GPR149: variants seen among roughly 807,000 people sequenced by gnomAD.
The protein encoded by GPR149 is probable G protein-coupled receptor 149.
GPR149 carries 50 observed loss-of-function variants against 50.2 expected under a neutral mutation model. The ratio of observed to expected loss-of-function variants is 1.00; its 90% CI spans 0.79 to 1.26. The LOEUF (loss-of-function observed/expected upper bound fraction) is 1.26, where lower values mean the gene tolerates loss of function less well. Ranked by LOEUF, GPR149 falls within the 50% of genes most tolerant of loss-of-function variation. The probability of loss-of-function intolerance (pLI) is 0.00; values close to 1 mark genes in which losing one functional copy is unlikely to be tolerated. For missense variants in GPR149, 983 were observed against 895.4 expected (o/e 1.10, Z -1.25); for synonymous variants, 405 against 358.2 (o/e 1.13, Z -1.48).
At chr3:154,413,453 T>A (rs1243095117) in intron 3 of GPR149, among the ~76,000 whole-genome samples, 5 of 151,538 alleles carry the variant, frequency 3.3e-5, no homozygotes, top group African/African-American at 1.2e-4. Flanking sequence ...AAATAGGTCA[T>A]CAAGGAAAAA....
chr3:154,391,138 G>A (rs1314274707), intron 3 of GPR149, among the ~76,000 whole-genome samples: 7 of 151,982 alleles, frequency 4.6e-5, no homozygotes, highest in Non-Finnish European at 1.0e-4. Flanking sequence ...AAACTTGCTG[G>A]TAAGGGTAAA....
chr3:154,407,324 C>A (rs1261846193), intron 3 of GPR149, among the ~76,000 whole-genome samples: 1 of 152,024 alleles, frequency 6.6e-6, no homozygotes, highest in Non-Finnish European at 1.5e-5. Flanking sequence ...ACCTAAGTAA[C>A]TTTGGAAGAT....
intron 3 of GPR149, among the ~76,000 whole-genome samples, chr3:154,400,081 G>A (rs911427032): frequency 2.0e-5 from 3 of 152,070 alleles, no homozygotes; most frequent in Non-Finnish European, 2.9e-5. Flanking sequence ...CCGCCTCCCG[G>A]GTTCACGCCA....
chr3:154,390,477 C>T (rs1305515288), intron 3 of GPR149, among the ~76,000 whole-genome samples: 1 of 150,790 alleles, frequency 6.6e-6, no homozygotes, highest in East Asian at 2.0e-4. Context: ...AAACAGAAGA[C>T]AGGATTAGTG....
chr3:154,368,169 C>G (rs1243354640), intron 3 of GPR149, among the ~76,000 whole-genome samples: 1 of 152,182 alleles, frequency 6.6e-6, no homozygotes, highest in Non-Finnish European at 1.5e-5. Context: ...CCAGAGGCTC[C>G]CCCTGCAAGG....
intron 3 of GPR149, among the ~76,000 whole-genome samples, chr3:154,419,441 A>G (rs992844627): frequency 6.6e-6 from 1 of 152,060 alleles, no homozygotes; most frequent in African/African-American, 2.4e-5. Flanking sequence ...TTTTGATGAA[A>G]TAAATAAGAA....
chr3:154,428,864 A>AGGG lies in GPR149; in HGVS notation c.749_751dup (p.Ser250_Leu251insPro). 1 of 1,613,932 alleles carries AGGG rather than the reference A, an allele frequency of 6.2e-7. No homozygotes were observed. The highest frequency in any genetic ancestry group is 1.1e-5 in the South Asian group (1 of 91,072). ...CGGGCCTGGAGCATCCTCTGGGGACAGGGAAACCACTCTCCCCGCAGTAGG... is the reference window on the plus strand; with the variant it reads ...CGGGCCTGGAGCATCCTCTGGGGACAGGGGGGAAACCACTCTCCCCGCAGTAGG... On this transcript the variant is annotated inframe_insertion, in exon 1 of 4. Transcript: ENST00000389740.
At chr3:154,406,128 T>A (rs1315074306) in intron 3 of GPR149, among the ~76,000 whole-genome samples, 1 of 151,898 alleles carries the variant, frequency 6.6e-6, no homozygotes. Context: ...CAATTTATAA[T>A]AGAGAAAAAG....
chr3:154,351,821 A>C (rs1714088266), intron 3 of GPR149, among the ~76,000 whole-genome samples: 1 of 152,196 alleles, frequency 6.6e-6, no homozygotes. Context: ...GAATAATAGA[A>C]ACCCCTCAAA....
chr3:154,405,233 C>CAA (rs1234482179), intron 3 of GPR149, among the ~76,000 whole-genome samples: 1 of 152,030 alleles, frequency 6.6e-6, no homozygotes, highest in African/African-American at 2.4e-5. Context: ...TTAATACACA[C>CAA]AAACAATAGC....
chr3:154,363,254 G>A (rs577860312), intron 3 of GPR149, among the ~76,000 whole-genome samples: 34 of 152,076 alleles, frequency 2.2e-4, no homozygotes, highest in East Asian at 5.8e-4. Context: ...AATTTATTCC[G>A]GGCTGTGATG....
chr3:154,364,999 G>A (rs1232692380), intron 3 of GPR149, among the ~76,000 whole-genome samples: 1 of 152,100 alleles, frequency 6.6e-6, no homozygotes, highest in African/African-American at 2.4e-5. Flanking sequence ...CCCACCCCAT[G>A]ACTCTGCTAG....
chr3:154,427,614 G>A lies in GPR149; in HGVS notation c.1076C>T (p.Pro359Leu). ...LLTLLATTVT[P>L]VFVLSKRWTH... ...CCAGCGTTTGGACAAGACAAACACT[G>A]GGGTTACAGTGGTGGCCAGCAGGGT... Residue 359 changes from proline to leucine, a missense_variant, in exon 2 of 4, where the codon CCA (proline) becomes CTA (leucine). Coordinates refer to ENST00000389740, the MANE Select transcript of GPR149 (RefSeq NM_001038705.3). 6.2e-7 allele frequency: 1 copy of A among 1,614,210 alleles called. No homozygotes were observed. The highest frequency in any genetic ancestry group is 8.5e-7 in the Non-Finnish European group (1 of 1,180,034).
At chr3:154,353,492 AAGATCCAATC>A in intron 3 of GPR149, 1 of 906,798 alleles carries the variant, frequency 1.1e-6, no homozygotes. Context: ...ACAGTTTAGA[AAGATCCAATC>A]AGCCACTCTG....
At chr3:154,350,729 A>C (rs567324296) in intron 3 of GPR149, among the ~76,000 whole-genome samples, 15 of 152,318 alleles carry the variant, frequency 9.8e-5, no homozygotes, top group Non-Finnish European at 8.8e-5. Flanking sequence ...AGAATAGCTA[A>C]AATTATTTTG....
At chr3:154,413,068 A>G (rs1711886924) in intron 3 of GPR149, among the ~76,000 whole-genome samples, 1 of 152,154 alleles carries the variant, frequency 6.6e-6, no homozygotes, top group African/African-American at 2.4e-5. Flanking sequence ...TACCCTATTC[A>G]ACAAATGGTG....
Position 154,335,184 on chromosome 3 carries a change from AG to A in GPR149, c.*2514del, listed in dbSNP as rs926494494. ...AGATACATCAATTTATAGAGAAAAG[AG>A]AAAACTATACAAAATATAGTATTTA... is the stretch of plus-strand genomic sequence containing the variant. On this transcript the variant is annotated 3_prime_UTR_variant, in exon 4 of 4. Transcript: ENST00000389740. The A allele has an allele frequency of 3.3e-4, 50 of 152,286 alleles. No homozygotes were observed. The highest frequency in any genetic ancestry group is 1.2e-3 in the African/African-American group (49 of 41,580). The allele number at this position is 152,286 out of a possible 1,614,324, so 9.4% of individuals were successfully genotyped here.
rs555262535 is a variant in GPR149 at position 154,369,081 on chromosome 3, C to T, written c.1624-30810G>A. On this transcript the variant is annotated intron_variant, in intron 3 of 3. Transcript: ENST00000389740. ...AAGCAGCCATGAGCCTTGAGCACAA[C>T]TGGACCTGACCCTCGGGGGATGCCA... Among the ~76,000 whole-genome samples the T allele has an allele frequency of 2.6e-5, 4 of 152,332 alleles. No homozygotes were observed. The East Asian group carries it at 7.7e-4, about 29-fold the overall frequency.
At chr3:154,350,469 T>C (rs1714050816) in intron 3 of GPR149, among the ~76,000 whole-genome samples, 1 of 152,170 alleles carries the variant, frequency 6.6e-6, no homozygotes, top group Admixed American at 6.5e-5. Flanking sequence ...GTTAAAGATT[T>C]AGATGTAAAT....
Sources: gnomAD v4.1 joint callset for allele counts (sites outside exome capture counted in the v4.1 genomes callset) on GRCh38, gnomAD v4.1.1 for gene constraint, MANE v1.5 for transcripts, NCBI Gene and HGNC (gene_info 2026-07-23, HGNC 2026-07-21) for gene names.